Variants in HECW1 observed in about 807,000 individuals in gnomAD.
HECW1 encodes the protein E3 ubiquitin-protein ligase HECW1.
A neutral mutation model predicts 182.3 loss-of-function variants in HECW1; 61 were observed. The ratio of observed to expected loss-of-function variants is 0.33; its 90% CI spans 0.27 to 0.41. The LOEUF is 0.41. Among genes scored for constraint, HECW1 ranks in the 10% least tolerant of loss-of-function variants. The pLI, the probability that HECW1 is intolerant of heterozygous loss-of-function variation, is 1.00. For synonymous variants in HECW1, 859 were observed against 832.6 expected, an observed-to-expected ratio of 1.03 and a Z score of -0.55; for missense variants, 1,739 against 2,108.9, an observed-to-expected ratio of 0.82 and a Z score of 3.44.
chr7:43,284,998 A>ATTTTTTTTT (rs55642652), intron 3 of HECW1, among the ~76,000 whole-genome samples: 1 of 145,398 alleles, frequency 6.9e-6, no homozygotes, highest in African/African-American at 2.5e-5. Flanking sequence ...TTCTGTATGG[A>ATTTTTTTTT]TTTTTTTTTT....
At chr7:43,520,104 T>C (rs909291024) in intron 24 of HECW1, among the ~76,000 whole-genome samples, 2 of 152,192 alleles carry the variant, frequency 1.3e-5, no homozygotes, top group African/African-American at 4.8e-5. Context: ...AACAAATGTC[T>C]TAGATATGCA....
chr7:43,314,285 T>C (rs1453562662), intron 4 of HECW1, among the ~76,000 whole-genome samples: 1 of 152,042 alleles, frequency 6.6e-6, no homozygotes, highest in African/African-American at 2.4e-5. Flanking sequence ...CCACAGTGAG[T>C]GAATGAATGA....
intron 12 of HECW1, among the ~76,000 whole-genome samples, chr7:43,454,177 A>G (rs925665480): frequency 2.6e-5 from 4 of 152,088 alleles, no homozygotes; most frequent in African/African-American, 9.7e-5. Flanking sequence ...CCCTTTCTTT[A>G]CTGTAGGTTC....
intron 2 of HECW1, among the ~76,000 whole-genome samples, chr7:43,152,148 A>G (rs1385360714): frequency 6.6e-6 from 1 of 152,258 alleles, no homozygotes; most frequent in Non-Finnish European, 1.5e-5. Flanking sequence ...CAAATGAAAT[A>G]TACTTTGAGA....
At chr7:43,357,265 C>A (rs1562880041) in intron 5 of HECW1, among the ~76,000 whole-genome samples, 1 of 152,092 alleles carries the variant, frequency 6.6e-6, no homozygotes, top group East Asian at 1.9e-4. Flanking sequence ...CGAAGAGATA[C>A]CTGCACTCCC....
chr7:43,319,601 C>CTTTTTTTTTTTTTTTTTTTTTTTTTTTTT lies in HECW1; in HGVS notation c.353-1010_353-1009insTTTTTTTTTTTTTTTTTTTTTTTTTTTTT, dbSNP rs796502195. Among the ~76,000 whole-genome samples the CTTTTTTTTTTTTTTTTTTTTTTTTTTTTT allele has an allele frequency of 4.2e-5, 2 of 47,438 alleles. 1 individual carries two copies. Among genetic ancestry groups the CTTTTTTTTTTTTTTTTTTTTTTTTTTTTT allele is most frequent in the African/African-American group, 2.5e-4 (2 of 7,880 alleles). 31.1% of individuals were successfully genotyped at this position (47,438 alleles called of 152,430 possible). A position where few individuals can be genotyped will look rare whatever the true frequency, so the allele number is the denominator to read the frequency against. ...CTGTTCTTTTCCTTTCTTTTCTTTT[C>CTTTTTTTTTTTTTTTTTTTTTTTTTTTTT]TTTTTTTTTTTTTTTTTTTTTTTTG... On this transcript the variant is annotated intron_variant, in intron 4 of 29. Transcript: ENST00000395891.
At chr7:43,524,877 A>G (rs1025852693) in intron 24 of HECW1, among the ~76,000 whole-genome samples, 1 of 152,240 alleles carries the variant, frequency 6.6e-6, no homozygotes, top group East Asian at 1.9e-4. Flanking sequence ...TGTGTCCTGT[A>G]GAGGGGCATG....
chr7:43,442,659 CCTAGG>C, intron 10 of HECW1, 30 bp downstream of exon 10: 2 of 1,436,736 alleles, frequency 1.4e-6, no homozygotes, highest in East Asian at 4.6e-5. Flanking sequence ...CATGTCTTGT[CCTAGG>C]CTAGTGTCAT....
intron 6 of HECW1, among the ~76,000 whole-genome samples, chr7:43,373,133 G>T (rs1374534647): frequency 6.6e-6 from 1 of 151,754 alleles, no homozygotes; most frequent in African/African-American, 2.4e-5. Context: ...GGTGCTGGGA[G>T]TCACTGCAGG....
chr7:43,529,260 A>G (rs2080884618), intron 24 of HECW1, among the ~76,000 whole-genome samples: 2 of 152,040 alleles, frequency 1.3e-5, no homozygotes, highest in African/African-American at 4.8e-5. Flanking sequence ...ATAGTCTGGC[A>G]TGGCCTCCTT....
intron 4 of HECW1, among the ~76,000 whole-genome samples, chr7:43,317,809 TTGTGTGTG>T (rs3032881): frequency 0.1 from 14,654 of 142,534 alleles, 2,387 homozygotes; most frequent in African/African-American, 0.35. Flanking sequence ...TTTCTCATTA[TTGTGTGTG>T]TGTGTGTGTG....
At chr7:43,365,925 C>A (rs1816583734) in intron 6 of HECW1, among the ~76,000 whole-genome samples, 1 of 152,012 alleles carries the variant, frequency 6.6e-6, no homozygotes, top group Non-Finnish European at 1.5e-5. Context: ...AAAACCCCAT[C>A]TCTATAAAAA....
At chr7:43,322,357 G>A (rs1810237674) in intron 5 of HECW1, among the ~76,000 whole-genome samples, 1 of 152,302 alleles carries the variant, frequency 6.6e-6, no homozygotes, top group East Asian at 1.9e-4. Flanking sequence ...ACCGCACCTG[G>A]CCAGAATTTC....
At chr7:43,281,368 A>T (rs1803880327) in intron 3 of HECW1, among the ~76,000 whole-genome samples, 1 of 152,224 alleles carries the variant, frequency 6.6e-6, no homozygotes, top group South Asian at 2.1e-4. Context: ...CATTGGGTGG[A>T]CACCTGCTGT....
At chr7:43,550,342 T>C in intron 26 of HECW1, 103 bp from the exon 27 acceptor site, 1 of 1,239,362 alleles carries the variant, frequency 8.1e-7, no homozygotes, top group South Asian at 1.3e-5. Flanking sequence ...AATAATGCCC[T>C]GTAGAGGATT....
chr7:43,433,879 G>A (rs1392434018), intron 8 of HECW1, among the ~76,000 whole-genome samples: 1 of 152,144 alleles, frequency 6.6e-6, no homozygotes. Flanking sequence ...AGATCAAAAG[G>A]TAAAGGACAA....
At chr7:43,511,629 AT>A (rs2152930565) in intron 24 of HECW1, 1 of 152,908 alleles carries the variant, frequency 6.5e-6, no homozygotes, top group Non-Finnish European at 1.5e-5. Context: ...GAAGAGTCTC[AT>A]TTAGATTTCA....
intron 24 of HECW1, among the ~76,000 whole-genome samples, chr7:43,536,429 A>T (rs541921684): frequency 2.4e-3 from 364 of 152,248 alleles, no homozygotes; most frequent in African/African-American, 8.3e-3. Flanking sequence ...AATGGGGAAA[A>T]GGCTGGGACC....
intron 4 of HECW1, among the ~76,000 whole-genome samples, chr7:43,315,485 T>C (rs7778630): frequency 9.1e-6 from 1 of 110,302 alleles, no homozygotes; most frequent in South Asian, 3.3e-4. Flanking sequence ...TTATTATTAT[T>C]ATTATTATCA....
Sources: gnomAD v4.1 joint callset for allele counts (sites outside exome capture counted in the v4.1 genomes callset) on GRCh38, gnomAD v4.1.1 for gene constraint, MANE v1.5 for transcripts, NCBI Gene and HGNC (gene_info 2026-07-23, HGNC 2026-07-21) for gene names.